ZNF385D: variants seen among roughly 807,000 people sequenced by gnomAD.
ZNF385D encodes zinc finger protein 385D.
Under a neutral mutation model 35.8 loss-of-function variants are expected in ZNF385D, and 15 were observed. That is an observed-to-expected ratio of 0.42 (90% CI 0.28 to 0.64). ZNF385D has a LOEUF of 0.64. ZNF385D is among the 30% of genes least tolerant of loss of function. The probability of loss-of-function intolerance (pLI) is 0.23; values close to 1 mark genes in which losing one functional copy is unlikely to be tolerated. For missense variants in ZNF385D, 474 were observed against 494.6 expected, an observed-to-expected ratio of 0.96 and a Z score of 0.39; for synonymous variants, 212 against 186.8, an observed-to-expected ratio of 1.13 and a Z score of -1.10.
intron 2 of ZNF385D, among the ~76,000 whole-genome samples, chr3:21,600,035 C>T (rs556229039): frequency 3.9e-5 from 6 of 152,190 alleles, no homozygotes; most frequent in Non-Finnish European, 8.8e-5. Context: ...CGAGAATGAC[C>T]TCTGGTTGTC....
At chr3:21,840,948 C>T (rs1575756602) in intron 3 of ZNF385D, among the ~76,000 whole-genome samples, 1 of 151,962 alleles carries the variant, frequency 6.6e-6, no homozygotes, top group Admixed American at 6.6e-5. Context: ...ACTGAAGGCA[C>T]AGGTAGTGGA....
intron 2 of ZNF385D, among the ~76,000 whole-genome samples, chr3:22,184,915 G>T (rs1158000855): frequency 6.6e-6 from 1 of 152,102 alleles, no homozygotes; most frequent in South Asian, 2.1e-4. Flanking sequence ...AATTTGTAGT[G>T]ATGTCACTTG....
At chr3:21,493,139 C>G (rs573320032) in intron 4 of ZNF385D, among the ~76,000 whole-genome samples, 42 of 152,002 alleles carry the variant, frequency 2.8e-4, no homozygotes, top group Non-Finnish European at 5.7e-4. Context: ...TTCCTCCTGA[C>G]TAGGACACAA....
intron 4 of ZNF385D, among the ~76,000 whole-genome samples, chr3:21,458,862 A>G (rs1173701386): frequency 6.6e-6 from 1 of 152,038 alleles, no homozygotes; most frequent in African/African-American, 2.4e-5. Flanking sequence ...AGGGGGTTCT[A>G]AACTTGATAG....
chr3:22,352,519 A>G (rs1171600493), intron 2 of ZNF385D, among the ~76,000 whole-genome samples: 1 of 152,200 alleles, frequency 6.6e-6, no homozygotes, highest in Admixed American at 6.5e-5. Flanking sequence ...TTTCAAATTA[A>G]GAGATTTCTT....
At chr3:21,932,293 C>T (rs1045205633) in intron 3 of ZNF385D, among the ~76,000 whole-genome samples, 4 of 150,142 alleles carry the variant, frequency 2.7e-5, no homozygotes, top group African/African-American at 9.8e-5. Flanking sequence ...TCATATTTAG[C>T]TGCCTTTGTA....
intron 3 of ZNF385D, among the ~76,000 whole-genome samples, chr3:21,806,864 CA>C (rs2072676409): frequency 6.6e-6 from 1 of 151,788 alleles, no homozygotes. Context: ...ATCAAAAAAA[CA>C]AAGCAAAGCA....
chr3:22,148,313 G>C (rs1361587152), intron 3 of ZNF385D, among the ~76,000 whole-genome samples: 1 of 152,156 alleles, frequency 6.6e-6, no homozygotes, highest in East Asian at 1.9e-4. Flanking sequence ...ACTTAAATAA[G>C]TTGTGTTATT....
At chr3:21,776,068 CAATCAA>C (rs573262227) in intron 3 of ZNF385D, among the ~76,000 whole-genome samples, 338 of 151,526 alleles carry the variant, frequency 2.2e-3, no homozygotes, top group Middle Eastern at 0.01. Flanking sequence ...GTATATTATA[CAATCAA>C]AATCTTCTGT....
intron 3 of ZNF385D, among the ~76,000 whole-genome samples, chr3:22,155,471 G>A (rs150885276): frequency 3.9e-4 from 59 of 152,144 alleles, no homozygotes; most frequent in African/African-American, 1.3e-3. Flanking sequence ...AATAAAAACA[G>A]AATAGCAAGA....
At chr3:22,244,364 TAAAAAAA>T (rs34497539) in intron 2 of ZNF385D, among the ~76,000 whole-genome samples, 5 of 62,554 alleles carry the variant, frequency 8.0e-5, no homozygotes, top group Admixed American at 2.4e-4. Context: ...CAACCGAATG[TAAAAAAA>T]AAAAAAAAAA....
chr3:21,510,774 C>A, intron 4 of ZNF385D, 87 bp downstream of exon 4: 3 of 1,525,198 alleles, frequency 2.0e-6, no homozygotes, highest in South Asian at 2.4e-5. Context: ...ATGGCAGGCA[C>A]ATAAGTAAAC....
In ZNF385D at chr3:21,707,814, A is replaced by C. The variant is rs374989711; in HGVS notation, c.23-42786T>G. On this transcript the variant is annotated intron_variant, in intron 1 of 7. Transcript: ENST00000281523. ...TTGATCGGTCTTCAAAGATGGGAAA[A>C]ATACAAACTGTAGAAGATGAAAGAT... Among the ~76,000 whole-genome samples the C allele has an allele frequency of 9.2e-5, 14 of 152,344 alleles. No individual in the cohort carries two copies. In the East Asian group the frequency reaches 2.3e-3, roughly 25 times the overall value.
intron 2 of ZNF385D, among the ~76,000 whole-genome samples, chr3:22,319,130 C>T (rs974401996): frequency 1.3e-5 from 2 of 152,008 alleles, no homozygotes; most frequent in African/African-American, 4.8e-5. Context: ...ATATAAGTAT[C>T]TTAAAAGACA....
intron 2 of ZNF385D, among the ~76,000 whole-genome samples, chr3:22,187,074 A>T (rs1209641247): frequency 6.6e-6 from 1 of 152,146 alleles, no homozygotes; most frequent in Non-Finnish European, 1.5e-5. Context: ...GACATACCAG[A>T]TTATAACAAA....
chr3:22,153,551 C>T (rs1033700586), intron 3 of ZNF385D, among the ~76,000 whole-genome samples: 2 of 151,440 alleles, frequency 1.3e-5, no homozygotes, highest in Non-Finnish European at 2.9e-5. Context: ...GCAAACTCCC[C>T]CTCCTGGGTC....
At chr3:21,555,975 T>C (rs1038107002) in intron 3 of ZNF385D, among the ~76,000 whole-genome samples, 1 of 152,070 alleles carries the variant, frequency 6.6e-6, no homozygotes, top group African/African-American at 2.4e-5. Flanking sequence ...GATGATGAGC[T>C]TTTTTTCCAT....
chr3:21,846,695 A>G (rs541666593), intron 3 of ZNF385D, among the ~76,000 whole-genome samples: 100 of 152,006 alleles, frequency 6.6e-4, no homozygotes, highest in Non-Finnish European at 8.5e-4. Context: ...CCTAGGAATT[A>G]ACTATCCCCA....
chr3:22,096,993 C>T lies in ZNF385D; in HGVS notation c.325+71824G>A, dbSNP rs905830218. Among the ~76,000 whole-genome samples, 3 of 152,156 alleles carry T rather than the reference C, an allele frequency of 2.0e-5. No individual in the cohort carries two copies. In the South Asian group the frequency reaches 6.2e-4, roughly 32 times the overall value. On this transcript the variant is annotated intron_variant, in intron 3 of 5. Coordinates refer to the ZNF385D transcript ENST00000494108. ...TCTCTTAGGATATTCACCCTTGGAA[C>T]TCAGTTACCATGCTGTAAGCAAGCT...
Sources: allele counts gnomAD v4.1 joint callset (sites outside exome capture counted in the v4.1 genomes callset), GRCh38; gene constraint gnomAD v4.1.1; transcripts MANE v1.5; gene names NCBI Gene and HGNC (gene_info 2026-07-23, HGNC 2026-07-21).